ANKFN1: variants seen among roughly 807,000 people sequenced by gnomAD.
The protein encoded by ANKFN1 is ankyrin repeat and fibronectin type III domain containing 1, also known as ankyrin repeat and fibronectin type-III domain-containing protein 1.
ANKFN1 carries 74 observed loss-of-function variants against 108.7 expected under a neutral mutation model. The observed-to-expected ratio is 0.68, with a 90% confidence interval of 0.56 to 0.83. The LOEUF (loss-of-function observed/expected upper bound fraction) is 0.83, where lower values mean the gene tolerates loss of function less well. ANKFN1 is among the 40% of genes least tolerant of loss of function. The pLI, the probability that ANKFN1 is intolerant of heterozygous loss-of-function variation, is 0.00. For missense variants in ANKFN1, 1,505 were observed against 1,382.3 expected (o/e 1.09, Z -1.41); for synonymous variants, 547 against 516.2 (o/e 1.06, Z -0.81).
intron 10 of ANKFN1, among the ~76,000 whole-genome samples, chr17:56,446,802 G>A (rs771112047): frequency 6.6e-6 from 1 of 152,126 alleles, no homozygotes; most frequent in Non-Finnish European, 1.5e-5. Flanking sequence ...CTACTAGGGA[G>A]GCTGAGGCAG....
chr17:56,243,899 G>T (rs1396928917), intron 3 of ANKFN1, among the ~76,000 whole-genome samples: 1 of 152,106 alleles, frequency 6.6e-6, no homozygotes, highest in African/African-American at 2.4e-5. Context: ...ATCATGTTCT[G>T]TAGTTCTGGG....
chr17:56,305,516 T>C (rs1271027953), intron 3 of ANKFN1, among the ~76,000 whole-genome samples: 1 of 152,246 alleles, frequency 6.6e-6, no homozygotes, highest in African/African-American at 2.4e-5. Context: ...TGGTTGAGTT[T>C]TGAGAAATCT....
At chr17:56,223,310 A>G (rs1490872263) in intron 2 of ANKFN1, among the ~76,000 whole-genome samples, 1 of 152,230 alleles carries the variant, frequency 6.6e-6, no homozygotes, top group Non-Finnish European at 1.5e-5. Flanking sequence ...AAATCTGTGC[A>G]GTTCTGAGTT....
chr17:56,353,240 CTT>C (rs61278649), intron 5 of ANKFN1, among the ~76,000 whole-genome samples: 8,203 of 143,144 alleles, frequency 0.057, 710 homozygotes, highest in African/African-American at 0.19. Context: ...CTCTTAATTA[CTT>C]TTTTTTTTTT....
intron 4 of ANKFN1, among the ~76,000 whole-genome samples, chr17:56,132,936 C>T (rs995830640): frequency 2.0e-5 from 3 of 152,186 alleles, no homozygotes; most frequent in Non-Finnish European, 4.4e-5. Flanking sequence ...TGGGGGGAAA[C>T]AAACATTCAG....
intron 1 of ANKFN1, among the ~76,000 whole-genome samples, chr17:56,204,022 G>C (rs1015427348): frequency 6.6e-6 from 1 of 151,894 alleles, no homozygotes; most frequent in African/African-American, 2.4e-5. Flanking sequence ...CTGTTTGTTT[G>C]TTTGTTTGTT....
intron 3 of ANKFN1, among the ~76,000 whole-genome samples, chr17:56,289,680 G>A (rs572741543): frequency 2.7e-4 from 41 of 152,274 alleles, no homozygotes; most frequent in Non-Finnish European, 4.0e-4. Context: ...CCTCCCTTCG[G>A]GATTGCTTTG....
chr17:56,385,394 C>G (rs1281769835), intron 8 of ANKFN1, among the ~76,000 whole-genome samples: 1 of 152,188 alleles, frequency 6.6e-6, no homozygotes, highest in Non-Finnish European at 1.5e-5. Context: ...CATTACCATT[C>G]AGGACATAGG....
chr17:56,370,958 T>TC (rs397761562), intron 6 of ANKFN1, among the ~76,000 whole-genome samples: 3 of 151,532 alleles, frequency 2.0e-5, no homozygotes, highest in Non-Finnish European at 4.4e-5. Flanking sequence ...GTTTTTTTTT[T>TC]CTCCAGAACC....
intron 4 of ANKFN1, among the ~76,000 whole-genome samples, chr17:56,142,053 C>A (rs1907958473): frequency 6.6e-6 from 1 of 151,596 alleles, no homozygotes; most frequent in South Asian, 2.1e-4. Context: ...GCCTCAGCCT[C>A]CCCAGTAGCT....
chr17:56,207,463 G>A (rs1420324170), intron 1 of ANKFN1, among the ~76,000 whole-genome samples: 2 of 152,144 alleles, frequency 1.3e-5, no homozygotes, highest in Non-Finnish European at 2.9e-5. Flanking sequence ...GCTTGCTTAG[G>A]TAGGCATTCC....
At chr17:56,319,555 A>C (rs1327947855) in intron 3 of ANKFN1, among the ~76,000 whole-genome samples, 3 of 152,180 alleles carry the variant, frequency 2.0e-5, no homozygotes, top group Non-Finnish European at 4.4e-5. Flanking sequence ...ACCGCACTAC[A>C]GTCCAGATAT....
intron 1 of ANKFN1, among the ~76,000 whole-genome samples, chr17:56,182,749 A>C (rs1380782862): frequency 6.6e-6 from 1 of 152,238 alleles, no homozygotes; most frequent in Non-Finnish European, 1.5e-5. Flanking sequence ...TATTGAAAGA[A>C]GATGCCATTC....
At chr17:56,280,805 G>A (rs1177498645) in intron 3 of ANKFN1, among the ~76,000 whole-genome samples, 1 of 152,154 alleles carries the variant, frequency 6.6e-6, no homozygotes, top group African/African-American at 2.4e-5. Flanking sequence ...AAAGTTGGAG[G>A]CTAACATGGT....
rs1380495603 is a variant in ANKFN1, at chr17:56,480,832, C to T, written c.2091+14C>T. ...CCTCTACACCAGGTACTAGACTTTA[C>T]CATTTTTATCTTCTTTTTTTATGGC... On this transcript the variant is annotated intron_variant, in intron 17 of 20. Coordinates refer to ENST00000682825, the MANE Select transcript of ANKFN1 (RefSeq NM_001370326.1). The T allele has an allele frequency of 1.2e-6, 2 of 1,609,282 alleles. No individual in the cohort carries two copies. Among genetic ancestry groups the T allele is most frequent in the South Asian group, 1.1e-5 (1 of 90,854 alleles).
intron 20 of ANKFN1, among the ~76,000 whole-genome samples, chr17:56,509,912 T>C (rs1245030431): frequency 6.6e-6 from 1 of 152,230 alleles, no homozygotes; most frequent in South Asian, 2.1e-4. Flanking sequence ...ATGTGGGCTT[T>C]TTCTTCGATT....
At chr17:56,246,528 A>C (rs1474063472) in intron 3 of ANKFN1, among the ~76,000 whole-genome samples, 1 of 152,102 alleles carries the variant, frequency 6.6e-6, no homozygotes, top group African/African-American at 2.4e-5. Context: ...TTTCTTTACA[A>C]ACTCCTTGTG....
In ANKFN1 at chr17:56,480,723, G is replaced by A. The variant is rs769799697; in HGVS notation, c.1996G>A (p.Asp666Asn). 6.2e-7 allele frequency: 1 copy of A among 1,613,968 alleles called. No homozygotes were observed. The highest frequency in any genetic ancestry group is 1.1e-5 in the South Asian group (1 of 91,070). Residue 666 changes from aspartate (D) to asparagine (N), a missense_variant, in exon 17 of 21, where the codon GAT becomes AAT. Asp to Asn is a conservative substitution (Grantham distance 23, BLOSUM62 1). Coordinates refer to ENST00000682825, the MANE Select transcript of ANKFN1 (RefSeq NM_001370326.1). ...TGGCTCTGAATCTATGGAAAGTGTG[G>A]ATCATACTTCTGACTGCCCCATGCA... ...LSGSESMESV[D>N]HTSDCPMQLF...
chr17:56,163,405 T>G (rs984302154), intron 1 of ANKFN1, among the ~76,000 whole-genome samples: 3 of 152,234 alleles, frequency 2.0e-5, no homozygotes, highest in South Asian at 4.1e-4. Flanking sequence ...GTAATAGTCA[T>G]GTAGCGGTGC....
Sources: allele counts gnomAD v4.1 joint callset (sites outside exome capture counted in the v4.1 genomes callset), GRCh38; gene constraint gnomAD v4.1.1; transcripts MANE v1.5; gene names NCBI Gene and HGNC (gene_info 2026-07-23, HGNC 2026-07-21).